The following PHACTR1 variants were observed in gnomAD, a reference collection of about 807,000 sequenced individuals.
PHACTR1 encodes RPEL repeat containing 1.
Under a neutral mutation model 69.2 loss-of-function variants are expected in PHACTR1, and 16 were observed. The ratio of observed to expected loss-of-function variants is 0.23; its 90% CI spans 0.16 to 0.35. PHACTR1 has a LOEUF of 0.35. Among genes scored for constraint, PHACTR1 ranks in the 10% least tolerant of loss-of-function variants. The probability of loss-of-function intolerance (pLI) is 1.00; values close to 1 mark genes in which losing one functional copy is unlikely to be tolerated. For missense variants in PHACTR1, 510 were observed against 734.7 expected (o/e 0.69, Z 3.54); for synonymous variants, 312 against 284.5 (o/e 1.10, Z -0.97).
At chr6:13,127,794 G>A (rs986083949) in intron 5 of PHACTR1, among the ~76,000 whole-genome samples, 1 of 152,076 alleles carries the variant, frequency 6.6e-6, no homozygotes, top group African/African-American at 2.4e-5. Flanking sequence ...AGCTGTAGTT[G>A]GCAGCATAGC....
chr6:13,182,739 G>T, intron 7 of PHACTR1, 53 bp downstream of exon 7: 1 of 1,463,220 alleles, frequency 6.8e-7, no homozygotes, highest in Non-Finnish European at 9.0e-7. Flanking sequence ...GTCCAGCCAG[G>T]CACCAGGGAT....
intron 5 of PHACTR1, among the ~76,000 whole-genome samples, chr6:13,068,795 G>C (rs963736735): frequency 7.9e-5 from 12 of 152,300 alleles, no homozygotes; most frequent in African/African-American, 2.9e-4. Flanking sequence ...ATGCACGATA[G>C]AGGAAGAGAT....
At chr6:12,845,109 A>C (rs1326884747) in intron 4 of PHACTR1, among the ~76,000 whole-genome samples, 2 of 152,226 alleles carry the variant, frequency 1.3e-5, no homozygotes, top group Non-Finnish European at 2.9e-5. Flanking sequence ...GCATATCTGC[A>C]TCTGAGCGTT....
intron 5 of PHACTR1, among the ~76,000 whole-genome samples, chr6:13,087,647 G>A (rs1267576005): frequency 1.3e-5 from 2 of 148,366 alleles, no homozygotes; most frequent in African/African-American, 5.3e-5. Flanking sequence ...ATAAAAGCAG[G>A]CTTTCTTTTT....
chr6:13,243,434 C>T (rs1055263493), intron 10 of PHACTR1, among the ~76,000 whole-genome samples: 3 of 152,064 alleles, frequency 2.0e-5, no homozygotes, highest in Non-Finnish European at 4.4e-5. Flanking sequence ...ATGAAGCATC[C>T]AAATAATGGC....
At chr6:12,896,748 C>T (rs567998252) in intron 4 of PHACTR1, among the ~76,000 whole-genome samples, 7 of 152,270 alleles carry the variant, frequency 4.6e-5, no homozygotes, top group Middle Eastern at 3.4e-3. Context: ...AGTGAATTGA[C>T]GGTTCGTTAT....
chr6:12,917,753 T>C (rs542975369), intron 4 of PHACTR1, among the ~76,000 whole-genome samples: 4 of 152,084 alleles, frequency 2.6e-5, no homozygotes, highest in African/African-American at 9.6e-5. Flanking sequence ...ACCCCATCCA[T>C]AACTAAATAA....
At position 13,278,447 on chromosome 6, in the gene PHACTR1, G is replaced by C; in HGVS notation, c.1509+118G>C. On this transcript the variant is annotated intron_variant, in intron 12 of 14. Coordinates refer to ENST00000332995, the MANE Select transcript of PHACTR1 (RefSeq NM_030948.6). ...GCCTGGTTCCTCTCCTCCTGTGTCA[G>C]AGAGTGCCACTCTCTTACTCTATAA... 2.5e-5 allele frequency: 21 copies of C among 851,092 alleles called. 2 individuals are homozygous for C. The Admixed American group carries it at 4.7e-4, about 19-fold the overall frequency. The allele number at this position is 851,092 out of a possible 1,614,324, so 52.7% of individuals were successfully genotyped here. A position where few individuals can be genotyped will look rare whatever the true frequency, so the allele number is the denominator to read the frequency against.
rs143016016 is a variant in PHACTR1 at position 13,083,921 on chromosome 6, A to G, written c.415+30392A>G. On this transcript the variant is annotated intron_variant, in intron 5 of 14. Transcript: ENST00000332995. ...GACAATTTGACTTCCTCTTTTCCTA[A>G]TTGAATGCCCTTTGTTCCCTTCTCC... Among the ~76,000 whole-genome samples, 299 of 152,140 alleles carry G rather than the reference A, an allele frequency of 2.0e-3. 2 individuals are homozygous for G. Among genetic ancestry groups the G allele is most frequent in the African/African-American group, 7.1e-3 (294 of 41,530 alleles).
chr6:12,887,600 C>A (rs1348988117), intron 4 of PHACTR1, among the ~76,000 whole-genome samples: 1 of 152,168 alleles, frequency 6.6e-6, no homozygotes, highest in African/African-American at 2.4e-5. Flanking sequence ...TTTTCTTACT[C>A]ATGCCCTCAT....
At chr6:12,929,440 G>T (rs1305256779) in intron 4 of PHACTR1, among the ~76,000 whole-genome samples, 1 of 152,138 alleles carries the variant, frequency 6.6e-6, no homozygotes, top group Non-Finnish European at 1.5e-5. Flanking sequence ...ATTTGATGTG[G>T]ATTTATTGGC....
chr6:13,194,591 T>C (rs1764109454), intron 7 of PHACTR1, among the ~76,000 whole-genome samples: 1 of 152,004 alleles, frequency 6.6e-6, no homozygotes, highest in South Asian at 2.1e-4. Context: ...CTCATGGCCA[T>C]CTTCCCAGGG....
At chr6:12,898,157 C>T (rs549595258) in intron 4 of PHACTR1, among the ~76,000 whole-genome samples, 1 of 152,068 alleles carries the variant, frequency 6.6e-6, no homozygotes, top group African/African-American at 2.4e-5. Context: ...TAGGGTTTCT[C>T]TTTTTCCTAT....
chr6:13,254,589 A>C (rs1774928126), intron 10 of PHACTR1, among the ~76,000 whole-genome samples: 1 of 152,234 alleles, frequency 6.6e-6, no homozygotes, highest in South Asian at 2.1e-4. Context: ...GACGTTCTCT[A>C]TCATGATCTT....
At position 12,749,704 on chromosome 6, in the gene PHACTR1, T is replaced by G; in HGVS notation, c.164T>G (p.Ile55Arg). The change falls in exon 4 of 15, where the codon ATA (isoleucine) becomes AGA (arginine). Residue 55 changes from isoleucine (I) to arginine (R), a missense_variant. Around this residue, in one of 2 missense-constraint regions of PHACTR1, gnomAD observed 419 missense variants for 530.9 expected, o/e 0.79. Coordinates refer to ENST00000332995, the MANE Select transcript of PHACTR1 (RefSeq NM_030948.6). ...TLMAASSEDD[I>R]DRRPIRRVRS... ...ATGGCGGCATCCTCGGAGGATGATA[T>G]AGACCGGCGGCCCATCCGGAGAGTG... 1.9e-6 allele frequency: 3 copies of G among 1,611,402 alleles called. No individual in the cohort carries two copies. Among genetic ancestry groups the G allele is most frequent in the Non-Finnish European group, 2.5e-6 (3 of 1,179,110 alleles).
intron 4 of PHACTR1, among the ~76,000 whole-genome samples, chr6:12,837,967 A>G (rs1376689158): frequency 1.3e-5 from 2 of 152,320 alleles, no homozygotes; most frequent in East Asian, 1.9e-4. Flanking sequence ...TGAAGGCCCA[A>G]CTGGGGAAGG....
chr6:13,050,456 C>T (rs951484589), intron 4 of PHACTR1, among the ~76,000 whole-genome samples: 1 of 152,178 alleles, frequency 6.6e-6, no homozygotes, highest in African/African-American at 2.4e-5. Context: ...TTCAATCACT[C>T]AGCATAAAAT....
At chr6:12,930,844 A>G (rs1259325974) in intron 4 of PHACTR1, among the ~76,000 whole-genome samples, 3 of 152,044 alleles carry the variant, frequency 2.0e-5, no homozygotes, top group African/African-American at 7.2e-5. Flanking sequence ...TGAGGTTAGG[A>G]GTTCGAGACC....
intron 12 of PHACTR1, 37 bp downstream of exon 12, chr6:13,278,366 A>T (rs1779388482): frequency 6.4e-7 from 1 of 1,561,650 alleles, no homozygotes; most frequent in South Asian, 1.2e-5. Context: ...GGGACAGGAG[A>T]GGGTGGGCTG....
Sources: allele counts gnomAD v4.1 joint callset (sites outside exome capture counted in the v4.1 genomes callset), GRCh38; gene constraint gnomAD v4.1.1; regional missense constraint gnomAD v4.1.1; transcripts MANE v1.5; gene names NCBI Gene and HGNC (gene_info 2026-07-23, HGNC 2026-07-21).